The following SDK1 variants were observed in gnomAD, a reference collection of about 807,000 sequenced individuals.
SDK1 encodes protein sidekick-1.
In SDK1, 157 loss-of-function variants were observed where a neutral mutation model predicts 245.5. That is an observed-to-expected ratio of 0.64 (90% confidence interval 0.56 to 0.73). The LOEUF (loss-of-function observed/expected upper bound fraction) is 0.73. SDK1 is among the 30% of genes least tolerant of loss of function. SDK1 has a pLI of 0.00. For synonymous variants in SDK1, 1,647 were observed against 1,278.5 expected, an observed-to-expected ratio of 1.29 and a Z score of -6.15; for missense variants, 3,583 against 3,002.3, an observed-to-expected ratio of 1.19 and a Z score of -4.52.
intron 12 of SDK1, among the ~76,000 whole-genome samples, chr7:3,973,159 C>CTGAGGAGCGCCAGGCTGTAAG (rs1229712109): frequency 6.6e-6 from 1 of 152,156 alleles, no homozygotes; most frequent in Non-Finnish European, 1.5e-5. Context: ...TTGCTCTGCC[C>CTGAGGAGCGCCAGGCTGTAAG]TGAGGAGCGC....
At chr7:3,914,256 C>G (rs1361559430) in intron 5 of SDK1, among the ~76,000 whole-genome samples, 2 of 152,198 alleles carry the variant, frequency 1.3e-5, no homozygotes, top group African/African-American at 4.8e-5. Flanking sequence ...TATTTTCATT[C>G]CTGCTCATCC....
intron 14 of SDK1, among the ~76,000 whole-genome samples, chr7:3,998,538 C>T (rs952952740): frequency 2.0e-5 from 3 of 152,124 alleles, no homozygotes; most frequent in Non-Finnish European, 2.9e-5. Flanking sequence ...AAGATCAATA[C>T]GCTTCAGCTT....
chr7:3,617,343 A>T (rs1781802621), intron 1 of SDK1, among the ~76,000 whole-genome samples: 1 of 152,226 alleles, frequency 6.6e-6, no homozygotes, highest in Admixed American at 6.5e-5. Context: ...AAACACTTTA[A>T]TTTCAGTATC....
At chr7:3,616,945 G>A (rs1344263107) in intron 1 of SDK1, among the ~76,000 whole-genome samples, 1 of 152,198 alleles carries the variant, frequency 6.6e-6, no homozygotes, top group Admixed American at 6.5e-5. Flanking sequence ...AAGGAAATAT[G>A]TGACATTTGG....
intron 44 of SDK1, among the ~76,000 whole-genome samples, chr7:4,263,705 CGT>C: frequency 1.6e-4 from 1 of 6,252 alleles, no homozygotes; most frequent in Non-Finnish European, 2.8e-4. Context: ...AGGGAGGCCG[CGT>C]AGACCTCTCC....
rs546302741 is a variant in SDK1 at position 3,901,280 on chromosome 7, G to T, written c.848-49643G>T. 3.3e-5 allele frequency among the ~76,000 whole-genome samples: 5 copies of T among 151,936 alleles called. No homozygotes were observed. In the South Asian group the frequency reaches 1.0e-3, roughly 32 times the overall value. On this transcript the variant is annotated intron_variant, in intron 5 of 44. Coordinates refer to ENST00000404826, the MANE Select transcript of SDK1 (RefSeq NM_152744.4). The stretch of plus-strand genomic sequence containing the variant: ...CAGCTCACTGCAACCTCCGCCTCCC[G>T]GGTTCAAGCGATTCTCCTGCCTCAG...
intron 5 of SDK1, among the ~76,000 whole-genome samples, chr7:3,882,155 G>A (rs1781223877): frequency 6.6e-6 from 1 of 152,106 alleles, no homozygotes; most frequent in Non-Finnish European, 1.5e-5. Flanking sequence ...TCACGACCAC[G>A]AGAACAGTAT....
intron 4 of SDK1, among the ~76,000 whole-genome samples, chr7:3,742,588 A>G (rs746837098): frequency 6.6e-6 from 1 of 152,192 alleles, no homozygotes; most frequent in Non-Finnish European, 1.5e-5. Context: ...TTGCCATGTC[A>G]CTTCTCTTTA....
intron 20 of SDK1, among the ~76,000 whole-genome samples, chr7:4,070,732 T>C (rs796200146): frequency 9.3e-5 from 14 of 150,594 alleles, no homozygotes; most frequent in African/African-American, 2.9e-4. Flanking sequence ...TTTTTTGAGA[T>C]GGAGTCTCAC....
intron 4 of SDK1, among the ~76,000 whole-genome samples, chr7:3,700,050 T>A (rs1012434267): frequency 4.9e-4 from 74 of 152,290 alleles, no homozygotes; most frequent in Non-Finnish European, 1.8e-4. Flanking sequence ...TGGCAAACAT[T>A]TTTCACTTAC....
intron 4 of SDK1, among the ~76,000 whole-genome samples, chr7:3,675,562 TG>T (rs1554307774): frequency 1.5e-4 from 2 of 12,966 alleles, no homozygotes; most frequent in African/African-American, 9.3e-3. Context: ...TACTCCTTTT[TG>T]TTTGTTTGTT....
intron 7 of SDK1, among the ~76,000 whole-genome samples, chr7:3,954,737 A>G (rs1781123186): frequency 6.7e-6 from 1 of 150,016 alleles, no homozygotes. Flanking sequence ...CACATCCATA[A>G]AATGGAGATG....
chr7:4,228,941 C>T (rs1191338020), intron 40 of SDK1, among the ~76,000 whole-genome samples: 3 of 152,150 alleles, frequency 2.0e-5, no homozygotes, highest in African/African-American at 7.2e-5. Flanking sequence ...GGGTGATTGA[C>T]AAGTGGCTGA....
At chr7:4,162,369 G>GTTGTTATTATTATTATTA (rs776772572) in intron 32 of SDK1, among the ~76,000 whole-genome samples, 7 of 128,382 alleles carry the variant, frequency 5.5e-5, no homozygotes, top group East Asian at 2.3e-4. Context: ...TGTTGTTGTT[G>GTTGTTATTATTATTATTA]TTATTATTAT....
intron 1 of SDK1, among the ~76,000 whole-genome samples, chr7:3,451,233 C>T (rs2178629): frequency 0.83 from 125,586 of 151,866 alleles, 52,126 homozygotes; most frequent in East Asian, 1. Flanking sequence ...GAGAAAGGGG[C>T]AATTGTTGTG....
intron 35 of SDK1, among the ~76,000 whole-genome samples, chr7:4,187,301 C>G (rs1023415976): frequency 1.3e-5 from 2 of 152,196 alleles, no homozygotes; most frequent in African/African-American, 4.8e-5. Flanking sequence ...GACTATGGGT[C>G]CAGCACCTTG....
chr7:4,093,527 TAGA>T (rs1024182773), intron 22 of SDK1, among the ~76,000 whole-genome samples: 10 of 151,488 alleles, frequency 6.6e-5, no homozygotes, highest in African/African-American at 2.4e-4. Flanking sequence ...GCCATTTTCT[TAGA>T]AGAAACTGTT....
chr7:3,782,483 A>G (rs988903245), intron 4 of SDK1, among the ~76,000 whole-genome samples: 1 of 152,202 alleles, frequency 6.6e-6, no homozygotes, highest in Non-Finnish European at 1.5e-5. Flanking sequence ...TCTCCAATCA[A>G]ATTCAACCCA....
chr7:3,821,172 T>C (rs1779636035), intron 4 of SDK1, among the ~76,000 whole-genome samples: 1 of 152,222 alleles, frequency 6.6e-6, no homozygotes, highest in South Asian at 2.1e-4. Flanking sequence ...TCTGGATGTC[T>C]ATGTTCCAGA....
Sources: allele counts gnomAD v4.1 joint callset (sites outside exome capture counted in the v4.1 genomes callset), GRCh38; gene constraint gnomAD v4.1.1; transcripts MANE v1.5; gene names NCBI Gene and HGNC (gene_info 2026-07-23, HGNC 2026-07-21).